The following SLC24A2 variants were observed in gnomAD, a reference collection of about 807,000 sequenced individuals.
SLC24A2 encodes the protein solute carrier family 24 member 2.
SLC24A2 carries 36 observed loss-of-function variants against 62.0 expected under a neutral mutation model. The ratio of observed to expected loss-of-function variants is 0.58; its 90% CI spans 0.44 to 0.77. The LOEUF is 0.77. Among genes scored for constraint, SLC24A2 ranks in the 30% least tolerant of loss-of-function variants. The probability of loss-of-function intolerance (pLI) is 0.00; values close to 1 mark genes in which losing one functional copy is unlikely to be tolerated. For synonymous variants in SLC24A2, 358 were observed against 294.0 expected, an observed-to-expected ratio of 1.22 and a Z score of -2.23; for missense variants, 846 against 817.9, an observed-to-expected ratio of 1.03 and a Z score of -0.42.
chr9:19,647,050 A>C (rs1290554184), intron 2 of SLC24A2, among the ~76,000 whole-genome samples: 2 of 63,612 alleles, frequency 3.1e-5, no homozygotes, highest in African/African-American at 6.4e-5. Context: ...CTCTCTTTCC[A>C]CACACACACA....
the SLC24A2 span, among the ~76,000 whole-genome samples, chr9:20,015,539 C>T: frequency 2.6e-5 from 4 of 152,186 alleles, no homozygotes; most frequent in African/African-American, 7.2e-5. Context: ...AATTCTCATG[C>T]AAATGTCACT....
At chr9:19,978,397 C>A in the SLC24A2 span, among the ~76,000 whole-genome samples, 1 of 151,894 alleles carries the variant, frequency 6.6e-6, no homozygotes, top group Non-Finnish European at 1.5e-5. Flanking sequence ...CTCCAAATGC[C>A]CTTCCCTCGC....
intron 2 of SLC24A2, among the ~76,000 whole-genome samples, chr9:19,626,988 T>A (rs1225159160): frequency 6.6e-6 from 1 of 152,194 alleles, no homozygotes; most frequent in East Asian, 1.9e-4. Context: ...TGTCTTAACA[T>A]AGTCCCTAAA....
chr9:19,688,278 C>T (rs995008731), intron 2 of SLC24A2, among the ~76,000 whole-genome samples: 6 of 152,080 alleles, frequency 3.9e-5, no homozygotes, highest in African/African-American at 1.2e-4. Flanking sequence ...GCTTTAGGCA[C>T]ATCATATAAC....
At chr9:19,530,064 A>G (rs1017606205) in intron 8 of SLC24A2, among the ~76,000 whole-genome samples, 1 of 140,432 alleles carries the variant, frequency 7.1e-6, no homozygotes, top group Middle Eastern at 3.6e-3. Context: ...TTAGATCTTT[A>G]CTTATAAAAG....
the SLC24A2 span, among the ~76,000 whole-genome samples, chr9:20,083,895 T>A: frequency 6.6e-6 from 1 of 152,194 alleles, no homozygotes; most frequent in Non-Finnish European, 1.5e-5. Flanking sequence ...CCAGACCCCG[T>A]TTCCTCTAGT....
At chr9:19,800,817 C>G in the SLC24A2 span, among the ~76,000 whole-genome samples, 1 of 152,102 alleles carries the variant, frequency 6.6e-6, no homozygotes, top group Admixed American at 6.5e-5. Flanking sequence ...TCTCTTGTTT[C>G]CTTTGGAGTA....
chr9:19,761,628 C>A (rs577741226), intron 2 of SLC24A2, among the ~76,000 whole-genome samples: 8 of 151,930 alleles, frequency 5.3e-5, no homozygotes, highest in African/African-American at 1.9e-4. Context: ...GCTGTCCCTC[C>A]CCCCTTTCCC....
chr9:19,728,806 G>C (rs540830355), intron 2 of SLC24A2, among the ~76,000 whole-genome samples: 5 of 152,276 alleles, frequency 3.3e-5, no homozygotes, highest in African/African-American at 1.2e-4. Flanking sequence ...TTACTGATGA[G>C]AGAGGGCATA....
chr9:19,984,873 A>C, the SLC24A2 span, among the ~76,000 whole-genome samples: 1 of 152,274 alleles, frequency 6.6e-6, no homozygotes, highest in African/African-American at 2.4e-5. Context: ...ACCCTCCGAA[A>C]TATTTAAGGG....
chr9:19,909,262 CAT>C, the SLC24A2 span, among the ~76,000 whole-genome samples: 1 of 151,292 alleles, frequency 6.6e-6, no homozygotes, highest in Admixed American at 6.6e-5. Context: ...TGTTCTCACT[CAT>C]AGGTGGGAAT....
At chr9:19,856,495 T>C in the SLC24A2 span, among the ~76,000 whole-genome samples, 2 of 152,094 alleles carry the variant, frequency 1.3e-5, no homozygotes, top group African/African-American at 4.8e-5. Flanking sequence ...GTTTATGTTG[T>C]TGTTGTTGCT....
At chr9:19,701,759 A>G (rs564196145) in intron 2 of SLC24A2, among the ~76,000 whole-genome samples, 8 of 152,292 alleles carry the variant, frequency 5.3e-5, no homozygotes, top group South Asian at 2.1e-4. Flanking sequence ...AGACAGGAGA[A>G]TGTGCTGGTG....
the SLC24A2 span, among the ~76,000 whole-genome samples, chr9:20,261,326 G>C: frequency 6.6e-6 from 1 of 152,030 alleles, no homozygotes; most frequent in Admixed American, 6.6e-5. Context: ...GTGGAGGCTG[G>C]GAAGTCCAGT....
At chr9:20,307,124 A>C in the SLC24A2 span, among the ~76,000 whole-genome samples, 1 of 152,220 alleles carries the variant, frequency 6.6e-6, no homozygotes, top group Non-Finnish European at 1.5e-5. Flanking sequence ...GGTTTATATA[A>C]TTATCTTAAA....
rs1832604908 is a variant in SLC24A2, at chr9:19,508,853, T to A, written c.*7300A>T. 1 of 152,152 alleles carries A rather than the reference T, an allele frequency of 6.6e-6. No homozygotes were observed. Among genetic ancestry groups the A allele is most frequent in the South Asian group, 2.1e-4 (1 of 4,822 alleles). The allele number at this position is 152,152 out of a possible 1,614,324, so 9.4% of individuals were successfully genotyped here. A position where few individuals can be genotyped will look rare whatever the true frequency, so the allele number is the denominator to read the frequency against. On this transcript the variant is annotated 3_prime_UTR_variant, in exon 11 of 11. Coordinates refer to ENST00000341998, the MANE Select transcript of SLC24A2 (RefSeq NM_020344.4). Reference sequence around the variant, plus strand: ...GTTGAAACATTAAAGTTTTTAGTTGTGGGGACATCTTTATATATGTGTGTG... The same window carrying A: ...GTTGAAACATTAAAGTTTTTAGTTGAGGGGACATCTTTATATATGTGTGTG...
At chr9:19,683,184 C>T (rs931695839) in intron 2 of SLC24A2, among the ~76,000 whole-genome samples, 9 of 152,134 alleles carry the variant, frequency 5.9e-5, no homozygotes, top group African/African-American at 2.2e-4. Context: ...ATGCTAGACG[C>T]TGTAAGTGCG....
the SLC24A2 span, among the ~76,000 whole-genome samples, chr9:20,084,160 T>G: frequency 6.6e-6 from 1 of 152,150 alleles, no homozygotes; most frequent in South Asian, 2.1e-4. Context: ...TTAAAGAAAA[T>G]AGTGTTGCCA....
the SLC24A2 span, among the ~76,000 whole-genome samples, chr9:20,280,155 G>C: frequency 6.6e-6 from 1 of 152,208 alleles, no homozygotes; most frequent in Non-Finnish European, 1.5e-5. Context: ...GTGGGCTTGG[G>C]AGAAAGGGAG....
Sources: gnomAD v4.1 joint callset for allele counts (sites outside exome capture counted in the v4.1 genomes callset) on GRCh38, gnomAD v4.1.1 for gene constraint, MANE v1.5 for transcripts, NCBI Gene and HGNC (gene_info 2026-07-23, HGNC 2026-07-21) for gene names.